Variants in ARHGEF3 observed in about 807,000 individuals in gnomAD.
ARHGEF3 encodes Rho guanine nucleotide exchange factor 3, also known as 59.8 kDA protein.
Under a neutral mutation model 63.2 loss-of-function variants are expected in ARHGEF3, and 28 were observed. The ratio of observed to expected loss-of-function variants is 0.44; its 90% CI spans 0.33 to 0.61. The LOEUF is 0.61. Among genes scored for constraint, ARHGEF3 ranks in the 20% least tolerant of loss-of-function variants. The pLI is 0.03. For missense variants in ARHGEF3, 533 were observed against 659.3 expected (o/e 0.81, Z 2.10); for synonymous variants, 266 against 254.2 (o/e 1.05, Z -0.44).
chr3:57,052,517 G>A (rs543926636), intron 1 of ARHGEF3, among the ~76,000 whole-genome samples: 32 of 151,970 alleles, frequency 2.1e-4, no homozygotes, highest in East Asian at 5.8e-4. Context: ...GGGTGGTCTC[G>A]AACTCCTGAC....
intron 4 of ARHGEF3, among the ~76,000 whole-genome samples, chr3:56,843,086 CAGAG>C (rs1175735754): frequency 1.3e-5 from 2 of 152,268 alleles, no homozygotes; most frequent in African/African-American, 2.4e-5. Flanking sequence ...GCCCCCTCCT[CAGAG>C]AGAACCAGTT....
chr3:56,889,228 G>A (rs576320341), intron 3 of ARHGEF3, among the ~76,000 whole-genome samples: 2 of 152,256 alleles, frequency 1.3e-5, no homozygotes, highest in African/African-American at 4.8e-5. Flanking sequence ...AATAACCCAT[G>A]AACAAACTGC....
At chr3:57,026,367 C>G (rs1703473973) in intron 2 of ARHGEF3, among the ~76,000 whole-genome samples, 1 of 152,192 alleles carries the variant, frequency 6.6e-6, no homozygotes, top group Non-Finnish European at 1.5e-5. Flanking sequence ...CACCACTGCA[C>G]TCCAGCCTGG....
chr3:56,742,632 C>T (rs1429825715), intron 7 of ARHGEF3, among the ~76,000 whole-genome samples: 1 of 151,824 alleles, frequency 6.6e-6, no homozygotes, highest in Non-Finnish European at 1.5e-5. Context: ...TAATTCTGTT[C>T]ATGTGGGGTA....
intron 1 of ARHGEF3, among the ~76,000 whole-genome samples, chr3:56,783,384 G>A (rs867311141): frequency 4.6e-5 from 7 of 152,218 alleles, no homozygotes; most frequent in Non-Finnish European, 7.4e-5. Flanking sequence ...GATTTCTTCC[G>A]GTACACCCGG....
intron 2 of ARHGEF3, among the ~76,000 whole-genome samples, chr3:57,002,158 G>A (rs1270179621): frequency 4.6e-5 from 7 of 151,458 alleles, no homozygotes; most frequent in Non-Finnish European, 8.8e-5. Context: ...TGATCTGCCT[G>A]CCTCGGCCTC....
chr3:56,755,625 C>G (rs1460638141), intron 2 of ARHGEF3, among the ~76,000 whole-genome samples: 1 of 152,176 alleles, frequency 6.6e-6, no homozygotes, highest in Non-Finnish European at 1.5e-5. Flanking sequence ...TTGGTGGGCA[C>G]CCCCAGACCT....
intron 1 of ARHGEF3, among the ~76,000 whole-genome samples, chr3:56,782,441 G>A (rs909257908): frequency 3.8e-4 from 58 of 152,122 alleles, no homozygotes; most frequent in African/African-American, 1.3e-3. Flanking sequence ...GAACTGTTCC[G>A]GGAGGCATCC....
chr3:56,781,396 A>G (rs1226510912), intron 1 of ARHGEF3, among the ~76,000 whole-genome samples: 1 of 151,358 alleles, frequency 6.6e-6, no homozygotes, highest in African/African-American at 2.4e-5. Flanking sequence ...ACAGGAGTAC[A>G]CCACCATACC....
chr3:56,901,007 G>A (rs188646616), intron 3 of ARHGEF3, among the ~76,000 whole-genome samples: 286 of 152,296 alleles, frequency 1.9e-3, no homozygotes, highest in African/African-American at 4.1e-3. Flanking sequence ...GGCCAAAGAA[G>A]TTTTTGGGTA....
rs565103683 is a variant in ARHGEF3 at position 56,748,192 on chromosome 3, G to C, written c.613-2730C>G. ...TAGGGCTACAGGCATGCACCACCAT[G>C]CCAGCTAATATTTTTTTTGTAGAGA... On this transcript the variant is annotated intron_variant, in intron 6 of 9. Transcript: ENST00000296315. 2.0e-5 allele frequency among the ~76,000 whole-genome samples: 3 copies of C among 152,224 alleles called. No individual in the cohort carries two copies. In the South Asian group the frequency reaches 6.2e-4, roughly 32 times the overall value.
At chr3:57,016,979 G>A (rs985944553) in intron 2 of ARHGEF3, among the ~76,000 whole-genome samples, 8 of 150,404 alleles carry the variant, frequency 5.3e-5, no homozygotes, top group Non-Finnish European at 1.2e-4. Context: ...GGCCTGGTGG[G>A]GGAGAGAGAG....
intron 1 of ARHGEF3, among the ~76,000 whole-genome samples, chr3:56,782,314 T>A (rs555667322): frequency 9.8e-5 from 15 of 152,306 alleles, no homozygotes; most frequent in Non-Finnish European, 1.5e-4. Context: ...TTATTGGTTT[T>A]TAACCCCCAA....
intron 2 of ARHGEF3, among the ~76,000 whole-genome samples, chr3:56,996,996 G>A (rs1248488997): frequency 4.0e-5 from 6 of 151,026 alleles, no homozygotes; most frequent in Non-Finnish European, 8.8e-5. Context: ...ATGTGGCTCA[G>A]GGAAGCCAAA....
At chr3:56,980,206 G>A (rs1205396384) in intron 2 of ARHGEF3, among the ~76,000 whole-genome samples, 3 of 152,208 alleles carry the variant, frequency 2.0e-5, no homozygotes, top group Non-Finnish European at 4.4e-5. Flanking sequence ...ATGCCACATT[G>A]TGAAAATATA....
chr3:57,051,412 G>A (rs528981720), intron 1 of ARHGEF3, among the ~76,000 whole-genome samples: 33 of 152,114 alleles, frequency 2.2e-4, no homozygotes, highest in South Asian at 1.0e-3. Context: ...GCTTGAACCC[G>A]TGAGGCGGAG....
At chr3:57,076,189 C>G (rs1245523409) in intron 1 of ARHGEF3, among the ~76,000 whole-genome samples, 2 of 151,880 alleles carry the variant, frequency 1.3e-5, no homozygotes, top group African/African-American at 2.4e-5. Flanking sequence ...CCCTACCCAC[C>G]CCCACCTCCA....
chr3:56,977,265 G>A (rs1330977290), intron 2 of ARHGEF3: 6 of 456,668 alleles, frequency 1.3e-5, no homozygotes, highest in East Asian at 7.0e-5. Flanking sequence ...TATCAGCTAC[G>A]TGCTACTTAC....
At chr3:56,799,816 GC>G (rs1263757572) in intron 1 of ARHGEF3, among the ~76,000 whole-genome samples, 2 of 152,058 alleles carry the variant, frequency 1.3e-5, no homozygotes, top group Non-Finnish European at 2.9e-5. Context: ...AGATATCTCT[GC>G]CTCAAAGTGT....
Sources: allele counts gnomAD v4.1 joint callset (sites outside exome capture counted in the v4.1 genomes callset), GRCh38; gene constraint gnomAD v4.1.1; transcripts MANE v1.5; gene names NCBI Gene and HGNC (gene_info 2026-07-23, HGNC 2026-07-21).